The following ATP2B3 variants were observed in gnomAD, a reference collection of about 807,000 sequenced individuals.
ATP2B3 encodes ATPase plasma membrane Ca2+ transporting 3, also known as plasma membrane calcium-transporting ATPase 3.
In ATP2B3, 12 loss-of-function variants were observed where a neutral mutation model predicts 70.8. The ratio of observed to expected loss-of-function variants is 0.17; its 90% CI spans 0.11 to 0.27. ATP2B3 has a LOEUF of 0.27. ATP2B3 is among the 10% of genes least tolerant of loss of function. The probability of loss-of-function intolerance (pLI) is 1.00; values close to 1 mark genes in which losing one functional copy is unlikely to be tolerated. For synonymous variants in ATP2B3, 460 were observed against 497.8 expected, an observed-to-expected ratio of 0.92 and a Z score of 1.01; for missense variants, 858 against 1,118.5, an observed-to-expected ratio of 0.77 and a Z score of 3.32.
At chrX:153,535,763 C>T (rs782133495) in intron 2 of ATP2B3, among the ~76,000 whole-genome samples, 2 of 113,038 alleles carry the variant, frequency 1.8e-5, no homozygotes, top group Non-Finnish European at 3.7e-5. Context: ...AGTCCCAGCA[C>T]GCTGCCCTCA....
chrX:153,546,970 C>A (rs1016394633), intron 8 of ATP2B3, among the ~76,000 whole-genome samples: 20 of 111,864 alleles, frequency 1.8e-4, no homozygotes, highest in South Asian at 7.5e-4. Flanking sequence ...GGAGCCGTGG[C>A]GAATGGCCTT....
intron 2 of ATP2B3, among the ~76,000 whole-genome samples, chrX:153,528,629 T>C (rs5945118): frequency 0.091 from 10,104 of 111,202 alleles, 419 homozygotes; most frequent in Middle Eastern, 0.13. Context: ...GAGAGAGAAT[T>C]GACTTCTTTC....
intron 20 of ATP2B3, among the ~76,000 whole-genome samples, chrX:153,563,026 C>A (rs1341743865): frequency 9.0e-6 from 1 of 110,905 alleles, no homozygotes; most frequent in Admixed American, 9.6e-5. Flanking sequence ...ACCTTGGTGA[C>A]CTCATTTAAC....
chrX:153,550,896 C>T (rs1557011286), intron 12 of ATP2B3, among the ~76,000 whole-genome samples: 2 of 111,721 alleles, frequency 1.8e-5, no homozygotes, highest in South Asian at 3.8e-4. Flanking sequence ...GCCACCAGCC[C>T]GAACTTCCAT....
intron 2 of ATP2B3, among the ~76,000 whole-genome samples, chrX:153,529,453 C>T (rs782070100): frequency 4.5e-4 from 50 of 111,886 alleles, no homozygotes; most frequent in Non-Finnish European, 8.3e-4. Context: ...CCTGCAATCA[C>T]GGCGTGTGGC....
chrX:153,533,513 CAG>C (rs1429875899), intron 2 of ATP2B3, among the ~76,000 whole-genome samples: 1 of 110,512 alleles, frequency 9.0e-6, no homozygotes, highest in Non-Finnish European at 1.9e-5. Flanking sequence ...GAGACTGAAA[CAG>C]GGGCTCGCTG....
intron 21 of ATP2B3, among the ~76,000 whole-genome samples, chrX:153,578,068 G>A (rs1234826008): frequency 8.9e-6 from 1 of 112,583 alleles, no homozygotes; most frequent in East Asian, 2.8e-4. Flanking sequence ...CAGAGCCAGA[G>A]AGGAAATATT....
chrX:153,564,918 C>T lies in ATP2B3; in HGVS notation c.3160-3C>T, dbSNP rs781882900. On this transcript the variant is annotated splice_polypyrimidine_tract_variant and splice_region_variant and intron_variant, in intron 20 of 21. Transcript: ENST00000263519. The stretch of plus-strand genomic sequence containing the variant: ...CACGGCCACTTCCGTGTGGCTCCCC[C>T]AGGTCATTGCCACCATCCCCACCAG... The T allele has an allele frequency of 5.9e-5, 70 of 1,180,079 alleles. No individual in the cohort carries two copies. The highest frequency in any genetic ancestry group is 1.1e-4 in the African/African-American group (6 of 56,769).
chrX:153,546,623 A>G (rs1478326166), intron 8 of ATP2B3, among the ~76,000 whole-genome samples: 1 of 113,462 alleles, frequency 8.8e-6, no homozygotes, highest in Non-Finnish European at 1.9e-5. Flanking sequence ...CCCTGGGGCC[A>G]GCATGAGCCT....
At position 153,542,455 on chromosome X, in the gene ATP2B3, G is replaced by A; in HGVS notation, c.790+7G>A. 1 of 1,209,980 alleles carries A rather than the reference G, an allele frequency of 8.3e-7. No homozygotes were observed. Among genetic ancestry groups the A allele is most frequent in the South Asian group, 1.8e-5 (1 of 56,681 alleles). On this transcript the variant is annotated splice_region_variant and intron_variant, in intron 6 of 21. Coordinates refer to ENST00000263519, the MANE Select transcript of ATP2B3 (RefSeq NM_001001344.3). Reference sequence around the variant, plus strand: ...GATCCCATGCTGCTCTCAGGTGAGGGCCACCCTCCGGGCCAGCCTGGCACC... The same window carrying A: ...GATCCCATGCTGCTCTCAGGTGAGGACCACCCTCCGGGCCAGCCTGGCACC...
At chrX:153,565,780 A>C (rs1041889235) in intron 21 of ATP2B3, among the ~76,000 whole-genome samples, 2 of 112,159 alleles carry the variant, frequency 1.8e-5, no homozygotes, top group African/African-American at 3.2e-5. Flanking sequence ...CTGTGTCTCC[A>C]CACCCCTCCC....
At chrX:153,521,345 G>A (rs1418035061) in intron 2 of ATP2B3, among the ~76,000 whole-genome samples, 1 of 112,961 alleles carries the variant, frequency 8.9e-6, no homozygotes, top group Non-Finnish European at 1.9e-5. Flanking sequence ...GCGTCACTGG[G>A]GCAGAGGGAA....
At chrX:153,550,731 G>A (rs2090444849) in intron 12 of ATP2B3, among the ~76,000 whole-genome samples, 2 of 111,349 alleles carry the variant, frequency 1.8e-5, no homozygotes, top group African/African-American at 6.5e-5. Context: ...CCCGTAGCTG[G>A]GATTACATGT....
In ATP2B3 at chrX:153,572,548, C is replaced by T. The variant is rs781917954; in HGVS notation, c.3343-7430C>T. Among the ~76,000 whole-genome samples the T allele has an allele frequency of 3.6e-5, 4 of 112,090 alleles. No homozygotes were observed. In the South Asian group the frequency reaches 1.5e-3, roughly 42 times the overall value. On this transcript the variant is annotated intron_variant, in intron 21 of 21. Coordinates refer to ENST00000263519, the MANE Select transcript of ATP2B3 (RefSeq NM_001001344.3). ...TTTGGGATCGCTGGGGCTCAGTGCT[C>T]ACACACTCGAGCCCTCCCCACCCTG...
intron 2 of ATP2B3, among the ~76,000 whole-genome samples, chrX:153,519,467 AC>A (rs1401325484): frequency 2.1e-5 from 2 of 93,235 alleles, no homozygotes; most frequent in African/African-American, 8.1e-5. Context: ...CCCAACCCCC[AC>A]CCCCCGCCGC....
intron 7 of ATP2B3, among the ~76,000 whole-genome samples, chrX:153,545,101 G>A (rs1024194498): frequency 6.5e-4 from 73 of 112,931 alleles, no homozygotes; most frequent in African/African-American, 2.3e-3. Flanking sequence ...TCGGGGGGGG[G>A]GCCCTCCCTG....
intron 19 of ATP2B3, among the ~76,000 whole-genome samples, chrX:153,561,726 G>A (rs1399599106): frequency 8.9e-6 from 1 of 112,636 alleles, no homozygotes. Context: ...AACAGAGGAC[G>A]GGGTCAGTTT....
intron 8 of ATP2B3, among the ~76,000 whole-genome samples, chrX:153,546,716 C>T (rs72616436): frequency 3.5e-5 from 4 of 112,938 alleles, no homozygotes; most frequent in East Asian, 2.8e-4. Context: ...CAGGAGATGT[C>T]GGCCAATGCA....
chrX:153,551,732 G>A (rs149032167), intron 12 of ATP2B3, among the ~76,000 whole-genome samples: 4 of 112,066 alleles, frequency 3.6e-5, no homozygotes, highest in Non-Finnish European at 5.6e-5. Flanking sequence ...GGACTGTGTG[G>A]TGCGTGAATT....
Sources: allele counts gnomAD v4.1 joint callset (sites outside exome capture counted in the v4.1 genomes callset), GRCh38; gene constraint gnomAD v4.1.1; transcripts MANE v1.5; gene names NCBI Gene and HGNC (gene_info 2026-07-23, HGNC 2026-07-21).